Variants in ASTN2 observed in about 807,000 individuals in gnomAD.
ASTN2 encodes the protein astrotactin 2.
In ASTN2, 54 loss-of-function variants were observed where a neutral mutation model predicts 139.8. The ratio of observed to expected loss-of-function variants is 0.39; its 90% CI spans 0.31 to 0.48. The LOEUF is 0.48. Ranked by LOEUF, ASTN2 falls within the 20% of genes least tolerant of loss-of-function variation. The pLI is 0.95. For synonymous variants in ASTN2, 756 were observed against 719.5 expected, an observed-to-expected ratio of 1.05 and a Z score of -0.81; for missense variants, 1,565 against 1,725.1, an observed-to-expected ratio of 0.91 and a Z score of 1.64.
Position 116,505,568 on chromosome 9 carries a change from T to C in ASTN2, c.3356-18068A>G, listed in dbSNP as rs10983201. On this transcript the variant is annotated intron_variant, in intron 19 of 22. Coordinates refer to ENST00000313400, the MANE Select transcript of ASTN2 (RefSeq NM_001365068.1). ...GGAATAAGAAGTATTACCATTTTAA[T>C]AGAATGTTTCAAGGATTCAATGTGT... is the stretch of plus-strand genomic sequence containing the variant. Among the ~76,000 whole-genome samples, 2,829 of 152,278 alleles carry C rather than the reference T, an allele frequency of 0.019. 375 individuals are homozygous for C. The South Asian group carries it at 0.28, about 15-fold the overall frequency.
chr9:117,169,752 G>A lies in ASTN2; in HGVS notation c.1016-28274C>T, dbSNP rs138822712. On this transcript the variant is annotated intron_variant, in intron 3 of 22. Coordinates refer to ENST00000313400, the MANE Select transcript of ASTN2 (RefSeq NM_001365068.1). ...ACATGGTGGGGTGGGGCAGGGGGCTGGTGTGGGGAGGGAAGGTTTCCATGA... is the reference window on the plus strand; with the variant it reads ...ACATGGTGGGGTGGGGCAGGGGGCTAGTGTGGGGAGGGAAGGTTTCCATGA... Among the ~76,000 whole-genome samples, 193 of 152,150 alleles carry A rather than the reference G, an allele frequency of 1.3e-3. No homozygotes were observed. In the East Asian group the frequency reaches 0.029, roughly 23 times the overall value.
chr9:116,782,906 C>T (rs949559837), intron 13 of ASTN2, among the ~76,000 whole-genome samples: 8 of 152,198 alleles, frequency 5.3e-5, no homozygotes, highest in African/African-American at 9.7e-5. Context: ...CCTAACACTG[C>T]ACGGGTCAGT....
At position 116,698,649 on chromosome 9, in the gene ASTN2, G is replaced by C; in HGVS notation, c.2806+27122C>G. ...TGTTAAGAAGCCCCGGACAGTTAAC[G>C]TGGAAGATTCCTGGGCCATGGAGGC... On this transcript the variant is annotated intron_variant, in intron 16 of 22. Transcript: ENST00000313400. The surrounding 1 kb of genome is among the most constrained non-coding windows in gnomAD (Gnocchi z 4.4). The C allele has an allele frequency of 6.2e-7, 1 of 1,614,122 alleles. No homozygotes were observed. Among genetic ancestry groups the C allele is most frequent in the Non-Finnish European group, 8.5e-7 (1 of 1,180,026 alleles).
At chr9:117,139,831 C>T (rs139048672) in intron 4 of ASTN2, among the ~76,000 whole-genome samples, 27 of 152,298 alleles carry the variant, frequency 1.8e-4, no homozygotes, top group African/African-American at 4.8e-4. Context: ...CAATCAACAA[C>T]GTCTTCATAG....
chr9:116,728,287 C>A (rs1168554235), intron 15 of ASTN2, among the ~76,000 whole-genome samples: 1 of 152,022 alleles, frequency 6.6e-6, no homozygotes, highest in Non-Finnish European at 1.5e-5. Flanking sequence ...TTGTTAATGT[C>A]TTGATATAGA....
At chr9:117,254,109 G>T (rs1203045423) in intron 2 of ASTN2, among the ~76,000 whole-genome samples, 1 of 152,110 alleles carries the variant, frequency 6.6e-6, no homozygotes, top group African/African-American at 2.4e-5. Flanking sequence ...TTGGGCAAAT[G>T]ACTCCAACTA....
intron 22 of ASTN2, among the ~76,000 whole-genome samples, chr9:116,427,214 C>T (rs756513709): frequency 2.0e-5 from 3 of 152,080 alleles, no homozygotes; most frequent in African/African-American, 4.8e-5. Context: ...CCCCACCTAC[C>T]GCCAGTAGCA....
At chr9:116,958,854 T>C (rs1021601664) in intron 10 of ASTN2, among the ~76,000 whole-genome samples, 1 of 152,036 alleles carries the variant, frequency 6.6e-6, no homozygotes, top group African/African-American at 2.4e-5. Context: ...TTCAGTGAGT[T>C]TGGACTTATT....
rs550215088 is a variant in ASTN2, at chr9:116,873,776, G to C, written c.1890-10043C>G. Reference sequence around the variant, plus strand: ...TCCCCATTACTGTTCTCGTGATAGTGAGTGAATTCTCACGAGATCTGGTTG... The same window carrying C: ...TCCCCATTACTGTTCTCGTGATAGTCAGTGAATTCTCACGAGATCTGGTTG... On this transcript the variant is annotated intron_variant, in intron 10 of 22. Coordinates refer to ENST00000313400, the MANE Select transcript of ASTN2 (RefSeq NM_001365068.1). 2.9e-4 allele frequency among the ~76,000 whole-genome samples: 44 copies of C among 152,206 alleles called. 1 individual carries two copies. The highest frequency in any genetic ancestry group is 1.6e-3 in the East Asian group (8 of 5,158).
chr9:116,948,785 G>GTTTTTTTTTTTTTTTTTTTTTTTTTT (rs58832163), intron 10 of ASTN2, among the ~76,000 whole-genome samples: 2 of 49,474 alleles, frequency 4.0e-5, no homozygotes, highest in African/African-American at 1.7e-4. Context: ...ATAATTTGGT[G>GTTTTTTTTTTTTTTTTTTTTTTTTTT]TTTTTTTTTT....
chr9:117,414,327 A>G lies in ASTN2; in HGVS notation c.442+170T>C, dbSNP rs1831261799. Among the ~76,000 whole-genome samples, 1 of 152,036 alleles carries G rather than the reference A, an allele frequency of 6.6e-6. No individual in the cohort carries two copies. Among genetic ancestry groups the G allele is most frequent in the Non-Finnish European group, 1.5e-5 (1 of 67,972 alleles). ...CGCGCGCTCTCCAGGACCTCCTCCC[A>G]CATGCTCGTTTCCAACCACCTGTGC... On this transcript the variant is annotated intron_variant, in intron 1 of 22. Coordinates refer to ENST00000313400, the MANE Select transcript of ASTN2 (RefSeq NM_001365068.1). This position sits in a 1 kb window ranked among gnomAD's most constrained non-coding sequence, Gnocchi z 4.2.
At chr9:116,579,965 G>A (rs2131708665) in intron 19 of ASTN2, among the ~76,000 whole-genome samples, 1 of 152,246 alleles carries the variant, frequency 6.6e-6, no homozygotes, top group Non-Finnish European at 1.5e-5. Flanking sequence ...GGGATTACAG[G>A]CACGTGCCAC....
At chr9:117,226,388 T>C (rs757817655) in intron 2 of ASTN2, among the ~76,000 whole-genome samples, 1 of 152,208 alleles carries the variant, frequency 6.6e-6, no homozygotes, top group Non-Finnish European at 1.5e-5. Flanking sequence ...AAATAGACTA[T>C]TGTGAAAATT....
chr9:116,536,422 G>A (rs10983225), intron 19 of ASTN2, among the ~76,000 whole-genome samples: 6,384 of 152,228 alleles, frequency 0.042, 231 homozygotes, highest in Non-Finnish European at 0.058. Context: ...TTTGGAGGTG[G>A]AGAGGTGCTC....
intron 1 of ASTN2, among the ~76,000 whole-genome samples, chr9:117,308,119 CG>C (rs1835048437): frequency 6.6e-6 from 1 of 152,194 alleles, no homozygotes; most frequent in Admixed American, 6.5e-5. Flanking sequence ...CAGCTCCAGG[CG>C]GCCCAGTGAC....
At chr9:116,441,534 C>T (rs1390753378) in intron 21 of ASTN2, among the ~76,000 whole-genome samples, 4 of 151,542 alleles carry the variant, frequency 2.6e-5, no homozygotes, top group South Asian at 2.1e-4. Context: ...TGACAGTGGA[C>T]GTGTTATTTT....
Position 117,252,721 on chromosome 9 carries a change from G to A in ASTN2, c.631-37979C>T, listed in dbSNP as rs117555439. ...AAATAAAGAAGCTGAAGCTCAGTGA[G>A]GTTTAGGAATTTGCAGAATGATGCA... On this transcript the variant is annotated intron_variant, in intron 2 of 22. Transcript: ENST00000313400. Among the ~76,000 whole-genome samples, 185 of 152,304 alleles carry A rather than the reference G, an allele frequency of 1.2e-3. 3 individuals are homozygous for A. In the East Asian group the frequency reaches 0.032, roughly 27 times the overall value.
intron 1 of ASTN2, among the ~76,000 whole-genome samples, chr9:117,402,030 C>T (rs1830845386): frequency 6.6e-6 from 1 of 152,086 alleles, no homozygotes; most frequent in African/African-American, 2.4e-5. Context: ...AAGGTGATGC[C>T]AGTGGAAACT....
intron 19 of ASTN2, among the ~76,000 whole-genome samples, chr9:116,603,417 A>G (rs534862329): frequency 3.3e-5 from 5 of 152,242 alleles, no homozygotes; most frequent in African/African-American, 1.2e-4. Context: ...GTGGCCCAGG[A>G]GTGGGTGGCT....
Sources: gnomAD v4.1 joint callset for allele counts (sites outside exome capture counted in the v4.1 genomes callset) on GRCh38, gnomAD v4.1.1 for gene constraint, Gnocchi (gnomAD v3.1) non-coding constraint, MANE v1.5 for transcripts, NCBI Gene and HGNC (gene_info 2026-07-23, HGNC 2026-07-21) for gene names.